VTCN1: variants seen among roughly 807,000 people sequenced by gnomAD.
VTCN1 encodes the protein V-set domain containing T cell activation inhibitor 1.
Under a neutral mutation model 26.5 loss-of-function variants are expected in VTCN1, and 26 were observed. The ratio of observed to expected loss-of-function variants is 0.98; its 90% CI spans 0.72 to 1.36. The LOEUF (loss-of-function observed/expected upper bound fraction) is 1.36. Ranked by LOEUF, VTCN1 falls within the 40% of genes most tolerant of loss-of-function variation. The pLI is 0.00. For missense variants in VTCN1, 298 were observed against 337.7 expected (o/e 0.88, Z 0.92); for synonymous variants, 116 against 130.7 (o/e 0.89, Z 0.77).
At position 117,147,920 on chromosome 1, in the gene VTCN1, AC is replaced by A. The variant is rs1180799392; in HGVS notation, c.725-139del. The A allele has an allele frequency of 9.0e-7, 1 of 1,116,348 alleles. No individual in the cohort carries two copies. The highest frequency in any genetic ancestry group is 1.6e-5 in the African/African-American group (1 of 63,336). 69.2% of individuals were successfully genotyped at this position (1,116,348 alleles called of 1,614,324 possible). ...CAGGCAATTTTTTACCCCTTTGCCC[AC>A]CTCTCCGTAACTGGCTTAAAAGTAG... On this transcript the variant is annotated intron_variant, in intron 4 of 5. Transcript: ENST00000369458. The surrounding 1 kb of genome is among the most constrained non-coding windows in gnomAD (Gnocchi z 4.6).
At chr1:117,179,959 T>G (rs1330692371) in intron 1 of VTCN1, among the ~76,000 whole-genome samples, 1 of 152,220 alleles carries the variant, frequency 6.6e-6, no homozygotes, top group Non-Finnish European at 1.5e-5. Flanking sequence ...AGGTCTCAGA[T>G]GCCATCATCG....
chr1:117,161,200 T>C lies in VTCN1; in HGVS notation c.98-4279A>G, dbSNP rs940308426. ...CATTGATTTAAAGATTCAGTTTGCT[T>C]TGCAAGTATTGTTACTTAGAGAATG... On this transcript the variant is annotated intron_variant, in intron 2 of 5. Transcript: ENST00000369458. This position sits in a 1 kb window ranked among gnomAD's most constrained non-coding sequence, Gnocchi z 4.3. Among the ~76,000 whole-genome samples, 7 of 152,212 alleles carry C rather than the reference T, an allele frequency of 4.6e-5. No homozygotes were observed. Among genetic ancestry groups the C allele is most frequent in the African/African-American group, 1.7e-4 (7 of 41,454 alleles).
At chr1:117,199,698 C>T (rs1648697229) in intron 1 of VTCN1, among the ~76,000 whole-genome samples, 1 of 146,984 alleles carries the variant, frequency 6.8e-6, no homozygotes, top group Admixed American at 7.0e-5. Flanking sequence ...TACAGTGGTG[C>T]AGTCGTGGCT....
intron 1 of VTCN1, among the ~76,000 whole-genome samples, chr1:117,199,145 G>A (rs1570990008): frequency 6.6e-6 from 1 of 152,074 alleles, no homozygotes; most frequent in Non-Finnish European, 1.5e-5. Flanking sequence ...TTTCTTGAAG[G>A]TGTCCTAATG....
chr1:117,205,283 T>C (rs910715336), intron 1 of VTCN1, among the ~76,000 whole-genome samples: 5 of 151,556 alleles, frequency 3.3e-5, no homozygotes, highest in African/African-American at 1.2e-4. Context: ...CAGTCCCGAG[T>C]AGCTGGGACT....
intron 1 of VTCN1, among the ~76,000 whole-genome samples, chr1:117,177,022 C>G (rs1472961717): frequency 6.6e-6 from 1 of 152,096 alleles, no homozygotes; most frequent in Non-Finnish European, 1.5e-5. Context: ...TCGTTTGAAC[C>G]CAGGAGGCGA....
At chr1:117,201,439 G>A (rs1451089765) in intron 1 of VTCN1, among the ~76,000 whole-genome samples, 1 of 152,160 alleles carries the variant, frequency 6.6e-6, no homozygotes, top group Non-Finnish European at 1.5e-5. Context: ...CTCTGTGGGG[G>A]AATCCCTCTG....
Position 117,210,829 on chromosome 1 carries a change from G to A in VTCN1, c.27C>T (p.Phe9=), listed in dbSNP as rs1257375757. Residue 9 remains phenylalanine, a synonymous_variant, in exon 1 of 6, where the codon TTC becomes TTT. Coordinates refer to ENST00000369458, the MANE Select transcript of VTCN1 (RefSeq NM_024626.4). MASLGQIL[F]WSIISIIIIL... is the part of the protein sequence containing the mutation. ...GAGAGAAGAGTATATACTACCTCCA[G>A]AAGAGGATCTGCCCCAGGGAAGCCA... 1 of 1,614,158 alleles carries A rather than the reference G, an allele frequency of 6.2e-7. No individual in the cohort carries two copies. The highest frequency in any genetic ancestry group is 1.1e-5 in the South Asian group (1 of 91,080).
At chr1:117,157,109 A>ATATG (rs955587037) in intron 2 of VTCN1, 188 bp from the exon 3 acceptor site, 2 of 687,610 alleles carry the variant, frequency 2.9e-6, no homozygotes, top group Non-Finnish European at 4.3e-6. Flanking sequence ...ATATATATAT[A>ATATG]TATATAGCAG....
chr1:117,172,043 G>A (rs2101526155), intron 1 of VTCN1, among the ~76,000 whole-genome samples: 1 of 152,196 alleles, frequency 6.6e-6, no homozygotes, highest in East Asian at 1.9e-4. Context: ...CTGTCCTGGC[G>A]CATACATCAT....
intron 1 of VTCN1, among the ~76,000 whole-genome samples, chr1:117,189,832 C>A (rs143964634): frequency 0.011 from 1,648 of 152,180 alleles, 14 homozygotes; most frequent in Middle Eastern, 0.02. Context: ...ATTTGGCAAC[C>A]ACTGGTGGAT....
At position 117,170,249 on chromosome 1, in the gene VTCN1, C is replaced by G. The variant is rs374879570; in HGVS notation, c.33-78G>C. On this transcript the variant is annotated intron_variant, in intron 1 of 5. Transcript: ENST00000369458. ...GCTGCTTTGCAACTGGGGTACAAATCTGTTGTGGATAAGATGAGTTACATA... is the reference window on the plus strand; with the variant it reads ...GCTGCTTTGCAACTGGGGTACAAATGTGTTGTGGATAAGATGAGTTACATA... 9.4e-5 allele frequency: 127 copies of G among 1,349,782 alleles called. No homozygotes were observed. The East Asian group carries it at 1.2e-3, about 12-fold the overall frequency. 83.6% of individuals were successfully genotyped at this position (1,349,782 alleles called of 1,614,324 possible).
At chr1:117,195,674 T>G (rs1648471839) in intron 1 of VTCN1, among the ~76,000 whole-genome samples, 1 of 152,170 alleles carries the variant, frequency 6.6e-6, no homozygotes, top group Non-Finnish European at 1.5e-5. Context: ...AGCATATAAA[T>G]GGTTGGTAGG....
chr1:117,197,199 A>T (rs1648556146), intron 1 of VTCN1, among the ~76,000 whole-genome samples: 1 of 152,214 alleles, frequency 6.6e-6, no homozygotes, highest in African/African-American at 2.4e-5. Flanking sequence ...CGCTAAGCCC[A>T]TAAAAGTCAA....
chr1:117,185,326 A>G (rs1194603187), intron 1 of VTCN1, among the ~76,000 whole-genome samples: 1 of 152,142 alleles, frequency 6.6e-6, no homozygotes, highest in East Asian at 1.9e-4. Flanking sequence ...CATCTAGGCA[A>G]TTTTTCTACT....
chr1:117,145,493 A>G lies in VTCN1; in HGVS notation c.*46-268T>C, dbSNP rs1426610767. On this transcript the variant is annotated intron_variant, in intron 5 of 5. Transcript: ENST00000369458. The surrounding 1 kb of genome is among the most constrained non-coding windows in gnomAD (Gnocchi z 4.6). Reference sequence around the variant, plus strand: ...GAGATGGGTCCTTATAGTAAATGAGAACTGAGAGGAGTCTGGGCAGGCTCC... The same window carrying G: ...GAGATGGGTCCTTATAGTAAATGAGGACTGAGAGGAGTCTGGGCAGGCTCC... Among the ~76,000 whole-genome samples the G allele has an allele frequency of 6.6e-6, 1 of 152,152 alleles. No homozygotes were observed. The highest frequency in any genetic ancestry group is 1.5e-5 in the Non-Finnish European group (1 of 68,016).
At chr1:117,173,343 A>T (rs1653025445) in intron 1 of VTCN1, 2 of 556,606 alleles carry the variant, frequency 3.6e-6, no homozygotes, top group Middle Eastern at 5.5e-4. Flanking sequence ...CCTTATAAAA[A>T]GGGGAAATTT....
chr1:117,157,103 A>C (rs1652126089), intron 2 of VTCN1, 182 bp from the exon 3 acceptor site: 13 of 696,772 alleles, frequency 1.9e-5, no homozygotes, highest in Middle Eastern at 5.1e-4. Context: ...ATATATATAT[A>C]TATATATATA....
Position 117,147,641 on chromosome 1 carries a change from T to C in VTCN1, c.*17A>G, listed in dbSNP as rs772076094. ...TTGTAACAATGACTTTGCATGCTTT[T>C]TTGTGGCCGAGGCACATTATTTTAG... On this transcript the variant is annotated 3_prime_UTR_variant, in exon 5 of 6. Coordinates refer to ENST00000369458, the MANE Select transcript of VTCN1 (RefSeq NM_024626.4). The surrounding 1 kb of genome is among the most constrained non-coding windows in gnomAD (Gnocchi z 4.6). 2 of 1,609,706 alleles carry C rather than the reference T, an allele frequency of 1.2e-6. No homozygotes were observed. Among genetic ancestry groups the C allele is most frequent in the African/African-American group, 2.7e-5 (2 of 74,520 alleles).
Sources: allele counts gnomAD v4.1 joint callset (sites outside exome capture counted in the v4.1 genomes callset), GRCh38; gene constraint gnomAD v4.1.1; non-coding constraint Gnocchi (gnomAD v3.1); transcripts MANE v1.5; gene names NCBI Gene and HGNC (gene_info 2026-07-23, HGNC 2026-07-21).